The following CERS6 variants were observed in gnomAD, a reference collection of about 807,000 sequenced individuals.
The protein encoded by CERS6 is ceramide synthase 6.
A neutral mutation model predicts 56.8 loss-of-function variants in CERS6; 26 were observed. The ratio of observed to expected loss-of-function variants is 0.46; its 90% confidence interval spans 0.34 to 0.63. The LOEUF (loss-of-function observed/expected upper bound fraction) is 0.63. CERS6 is among the 30% of genes least tolerant of loss of function. The pLI is 0.01. For missense variants in CERS6, 415 were observed against 467.5 expected (o/e 0.89, Z 1.04); for synonymous variants, 164 against 173.3 (o/e 0.95, Z 0.42).
intron 3 of CERS6, among the ~76,000 whole-genome samples, chr2:168,595,993 A>G (rs1384051344): frequency 6.6e-6 from 1 of 151,870 alleles, no homozygotes; most frequent in Non-Finnish European, 1.5e-5. Context: ...TCACGCCTGT[A>G]ATTCCAGCAC....
intron 8 of CERS6, among the ~76,000 whole-genome samples, chr2:168,736,213 G>A (rs1354627486): frequency 3.3e-5 from 5 of 152,196 alleles, no homozygotes; most frequent in African/African-American, 1.2e-4. Flanking sequence ...TGTATATTAA[G>A]TAAATATGCA....
rs533245461 is a variant in CERS6 at position 168,543,724 on chromosome 2, T to TA, written c.171-3865dup. Among the ~76,000 whole-genome samples, 677 of 152,312 alleles carry TA rather than the reference T, an allele frequency of 4.4e-3. 3 individuals carry two copies. Among genetic ancestry groups the TA allele is most frequent in the Non-Finnish European group, 7.9e-3 (538 of 68,024 alleles). On this transcript the variant is annotated intron_variant, in intron 1 of 9. Transcript: ENST00000305747. ...TTTTTCTGCCTATCTTATGCAATTTTAAAAAAATCTTGAAAATTAAGTGTT... is the reference window on the plus strand; with the variant it reads ...TTTTTCTGCCTATCTTATGCAATTTTAAAAAAAATCTTGAAAATTAAGTGTT...
intron 4 of CERS6, among the ~76,000 whole-genome samples, chr2:168,672,544 A>G (rs1214192071): frequency 6.6e-6 from 1 of 152,240 alleles, no homozygotes; most frequent in Non-Finnish European, 1.5e-5. Flanking sequence ...TACTTCATAG[A>G]TATAGGTTGG....
intron 8 of CERS6, among the ~76,000 whole-genome samples, chr2:168,739,392 T>TA (rs1010140846): frequency 1.4e-4 from 21 of 152,112 alleles, no homozygotes; most frequent in African/African-American, 4.8e-4. Context: ...AACAAAATCT[T>TA]ACTCCGGGAA....
chr2:168,586,658 T>C (rs1559009564), intron 3 of CERS6, among the ~76,000 whole-genome samples: 1 of 152,202 alleles, frequency 6.6e-6, no homozygotes, highest in Non-Finnish European at 1.5e-5. Flanking sequence ...TTTCACACGT[T>C]GTCATTGGCT....
intron 6 of CERS6, among the ~76,000 whole-genome samples, chr2:168,712,214 A>C (rs1687108772): frequency 6.6e-6 from 1 of 152,212 alleles, no homozygotes; most frequent in African/African-American, 2.4e-5. Context: ...AGTCGAATTC[A>C]CAAGGAACTG....
At chr2:168,521,344 T>G (rs879772015) in intron 1 of CERS6, among the ~76,000 whole-genome samples, 52 of 152,324 alleles carry the variant, frequency 3.4e-4, no homozygotes, top group African/African-American at 1.1e-3. Context: ...CTTTTCAAAT[T>G]TGACTGCATT....
At chr2:168,705,662 T>A (rs752571735) in intron 6 of CERS6, among the ~76,000 whole-genome samples, 5 of 152,174 alleles carry the variant, frequency 3.3e-5, no homozygotes, top group Non-Finnish European at 7.4e-5. Context: ...TGGTTACCCA[T>A]TGTCAATTTA....
chr2:168,519,786 AT>A (rs1694945984), intron 1 of CERS6, among the ~76,000 whole-genome samples: 1 of 151,920 alleles, frequency 6.6e-6, no homozygotes, highest in Non-Finnish European at 1.5e-5. Context: ...GTAATTGTGG[AT>A]TTTGCCATTA....
At chr2:168,731,555 C>T (rs1288635591) in intron 8 of CERS6, among the ~76,000 whole-genome samples, 2 of 151,992 alleles carry the variant, frequency 1.3e-5, no homozygotes, top group African/African-American at 4.8e-5. Context: ...CATCATCATA[C>T]AGCAATGAAT....
chr2:168,468,418 G>C (rs1693920871), intron 1 of CERS6, among the ~76,000 whole-genome samples: 1 of 152,190 alleles, frequency 6.6e-6, no homozygotes, highest in African/African-American at 2.4e-5. Context: ...TAAGACCTGG[G>C]CTGTGTTTTG....
intron 5 of CERS6, among the ~76,000 whole-genome samples, chr2:168,691,950 G>A (rs1327132535): frequency 6.6e-6 from 1 of 152,130 alleles, no homozygotes; most frequent in Admixed American, 6.5e-5. Flanking sequence ...TCTTTGGGGC[G>A]TGCACAGTCC....
chr2:168,745,192 T>A (rs1483098942), intron 8 of CERS6, among the ~76,000 whole-genome samples: 1 of 152,206 alleles, frequency 6.6e-6, no homozygotes, highest in East Asian at 1.9e-4. Flanking sequence ...AGTAGACATG[T>A]TTTATGTATT....
chr2:168,612,082 G>GTTC (rs1254349030), intron 3 of CERS6, among the ~76,000 whole-genome samples: 1 of 152,222 alleles, frequency 6.6e-6, no homozygotes, highest in Admixed American at 6.5e-5. Context: ...GTTGAATGCT[G>GTTC]TTCTACATAC....
intron 8 of CERS6, among the ~76,000 whole-genome samples, chr2:168,737,201 A>G (rs1050064210): frequency 1.3e-5 from 2 of 152,194 alleles, no homozygotes; most frequent in African/African-American, 2.4e-5. Flanking sequence ...TGTACTCACT[A>G]CAGTTGTGTC....
At position 168,668,215 on chromosome 2, in the gene CERS6, A is replaced by G. The variant is rs115776897; in HGVS notation, c.466-22819A>G. On this transcript the variant is annotated intron_variant, in intron 4 of 9. Transcript: ENST00000305747. ...CATAGGTAATCTCAAATGTTCTTCA[A>G]TGACAAAACCAAACTCATTCTCTTT... Among the ~76,000 whole-genome samples the G allele has an allele frequency of 7.2e-3, 1,091 of 152,266 alleles. 16 individuals are homozygous for G. The highest frequency in any genetic ancestry group is 0.025 in the African/African-American group (1,044 of 41,544).
Position 168,576,321 on chromosome 2 carries a change from T to C in CERS6, c.407+14999T>C, listed in dbSNP as rs376121447. On this transcript the variant is annotated intron_variant, in intron 3 of 9. Transcript: ENST00000305747. The stretch of plus-strand genomic sequence containing the variant: ...CCTTCATGACAAAGAGCCAGTCTTA[T>C]CCTTTTTTGAGAACCCAGCACCTAG... 5.3e-5 allele frequency among the ~76,000 whole-genome samples: 8 copies of C among 152,310 alleles called. No homozygotes were observed. In the South Asian group the frequency reaches 6.2e-4, roughly 12 times the overall value.
chr2:168,735,641 A>G (rs2105419157), intron 8 of CERS6, among the ~76,000 whole-genome samples: 1 of 151,992 alleles, frequency 6.6e-6, no homozygotes, highest in South Asian at 2.1e-4. Context: ...AGGAGACTGA[A>G]GAGGCAGGAT....
At chr2:168,545,612 A>G (rs933975489) in intron 1 of CERS6, among the ~76,000 whole-genome samples, 5 of 152,140 alleles carry the variant, frequency 3.3e-5, no homozygotes, top group Admixed American at 6.5e-5. Context: ...GTGACAGGGC[A>G]CACAGAGAAT....
Sources: allele counts gnomAD v4.1 joint callset (sites outside exome capture counted in the v4.1 genomes callset), GRCh38; gene constraint gnomAD v4.1.1; transcripts MANE v1.5; gene names NCBI Gene and HGNC (gene_info 2026-07-23, HGNC 2026-07-21).